SAMMSON: variants seen among roughly 807,000 people sequenced by gnomAD.
The protein encoded by SAMMSON is survival associated mitochondrial melanoma specific oncogenic non-coding RNA, also known as long intergenic non-protein coding RNA 1212.
At chr3:70,104,565 C>T (rs1213768422) in intron 4 of SAMMSON, among the ~76,000 whole-genome samples, 1 of 152,102 alleles carries the variant, frequency 6.6e-6, no homozygotes, top group African/African-American at 2.4e-5. Context: ...CGAACACCCC[C>T]AAGGGAAAAG....
At chr3:70,178,413 G>A (rs1194492758) in intron 4 of SAMMSON, among the ~76,000 whole-genome samples, 4 of 152,118 alleles carry the variant, frequency 2.6e-5, no homozygotes, top group Non-Finnish European at 5.9e-5. Context: ...GCTTGTCTCG[G>A]ACCGAACAAG....
At chr3:70,374,072 A>T (rs1005507729) in intron 9 of SAMMSON, among the ~76,000 whole-genome samples, 2 of 152,024 alleles carry the variant, frequency 1.3e-5, no homozygotes, top group Admixed American at 1.3e-4. Flanking sequence ...GTGCCACCAC[A>T]CCCAGCTAAT....
intron 3 of SAMMSON, among the ~76,000 whole-genome samples, chr3:70,056,758 T>C (rs927503742): frequency 1.3e-5 from 2 of 152,072 alleles, no homozygotes; most frequent in Non-Finnish European, 2.9e-5. Flanking sequence ...TTACTCATGC[T>C]ACAAGATAAA....
At chr3:70,428,861 ATACT>A (rs567065833) in intron 2 of SAMMSON, among the ~76,000 whole-genome samples, 97 of 152,310 alleles carry the variant, frequency 6.4e-4, no homozygotes, top group Admixed American at 1.6e-3. Flanking sequence ...CACTCAGCAA[ATACT>A]TACTCAGTAA....
chr3:70,111,696 T>C (rs2067390096), intron 4 of SAMMSON, among the ~76,000 whole-genome samples: 1 of 152,182 alleles, frequency 6.6e-6, no homozygotes, highest in Non-Finnish European at 1.5e-5. Context: ...TCCTGAAGGC[T>C]TCATAAATGA....
chr3:70,110,745 G>A (rs1371343080), intron 4 of SAMMSON, among the ~76,000 whole-genome samples: 1 of 152,128 alleles, frequency 6.6e-6, no homozygotes, highest in Non-Finnish European at 1.5e-5. Context: ...ACCCATTGTT[G>A]TGGAGATGAG....
intron 4 of SAMMSON, among the ~76,000 whole-genome samples, chr3:70,173,084 G>A (rs1189123813): frequency 1.3e-5 from 2 of 151,810 alleles, no homozygotes; most frequent in African/African-American, 4.8e-5. Context: ...GTAAATTATT[G>A]CTTGCATACT....
intron 3 of SAMMSON, among the ~76,000 whole-genome samples, chr3:70,019,360 C>T (rs2067000763): frequency 6.6e-6 from 1 of 152,030 alleles, no homozygotes; most frequent in East Asian, 1.9e-4. Flanking sequence ...CTCTTTTGAA[C>T]TTTGTTGGTT....
At chr3:70,398,498 C>T (rs1701111261) in intron 2 of SAMMSON, among the ~76,000 whole-genome samples, 1 of 152,162 alleles carries the variant, frequency 6.6e-6, no homozygotes, top group Non-Finnish European at 1.5e-5. Flanking sequence ...ATTCTTATTA[C>T]TAATTTTGTT....
chr3:70,033,860 T>C (rs894928438), intron 3 of SAMMSON, among the ~76,000 whole-genome samples: 4 of 152,246 alleles, frequency 2.6e-5, no homozygotes, highest in African/African-American at 9.6e-5. Flanking sequence ...ACGATGTCTT[T>C]AGCTAGAAAA....
chr3:70,125,289 C>T (rs976696135), intron 4 of SAMMSON: 2 of 1,291,512 alleles, frequency 1.5e-6, no homozygotes, highest in African/African-American at 2.9e-5. Context: ...GAAAAGTCAA[C>T]ATATCTTCCA....
intron 2 of SAMMSON, among the ~76,000 whole-genome samples, chr3:70,421,706 T>G (rs1701314819): frequency 6.6e-6 from 1 of 152,160 alleles, no homozygotes; most frequent in South Asian, 2.1e-4. Flanking sequence ...TTTTGCCTCC[T>G]GATAGAATAT....
At chr3:70,090,483 A>C (rs891171319) in intron 4 of SAMMSON, among the ~76,000 whole-genome samples, 4 of 152,220 alleles carry the variant, frequency 2.6e-5, no homozygotes, top group Admixed American at 2.6e-4. Flanking sequence ...GAATTAATTT[A>C]TTCAAAGCCA....
At chr3:70,172,185 C>T (rs1700962453) in intron 4 of SAMMSON, 2 of 151,732 alleles carry the variant, frequency 1.3e-5, no homozygotes, top group South Asian at 4.1e-4. Context: ...AATTGGTAAC[C>T]ACAGGCCAGG....
chr3:70,181,572 G>A (rs1263719310), intron 4 of SAMMSON, among the ~76,000 whole-genome samples: 1 of 152,176 alleles, frequency 6.6e-6, no homozygotes, highest in Non-Finnish European at 1.5e-5. Context: ...ACCTCATAGG[G>A]TTGTTGAACT....
chr3:70,274,224 G>A (rs1238297911), intron 6 of SAMMSON, among the ~76,000 whole-genome samples: 2 of 151,978 alleles, frequency 1.3e-5, no homozygotes, highest in Admixed American at 1.3e-4. Context: ...AAAGACAATT[G>A]ATATGTTTTA....
intron 3 of SAMMSON, among the ~76,000 whole-genome samples, chr3:70,049,869 GCA>G (rs1157123589): frequency 1.3e-5 from 2 of 152,008 alleles, no homozygotes; most frequent in African/African-American, 4.8e-5. Flanking sequence ...TGTGGAAAGA[GCA>G]CAGTTTGTTT....
chr3:70,039,593 TCA>T (rs56058406), intron 3 of SAMMSON, among the ~76,000 whole-genome samples: 17,594 of 134,974 alleles, frequency 0.13, 1,168 homozygotes, highest in African/African-American at 0.15. Flanking sequence ...ACACATCTCT[TCA>T]CACACACACA....
intron 4 of SAMMSON, among the ~76,000 whole-genome samples, chr3:70,159,881 T>C (rs2067608129): frequency 6.6e-6 from 1 of 152,076 alleles, no homozygotes; most frequent in South Asian, 2.1e-4. Flanking sequence ...ATAGCCATTC[T>C]AGTGAGTGTG....
Sources: allele counts gnomAD v4.1 joint callset (sites outside exome capture counted in the v4.1 genomes callset), GRCh38; gene constraint gnomAD v4.1.1; transcripts MANE v1.5; gene names NCBI Gene and HGNC (gene_info 2026-07-23, HGNC 2026-07-21).